Variants in ATP8B4 observed in about 807,000 individuals in gnomAD.
ATP8B4 encodes probable phospholipid-transporting ATPase IM.
Under a neutral mutation model 145.6 loss-of-function variants are expected in ATP8B4, and 133 were observed. That is an observed-to-expected ratio of 0.91 (90% CI 0.79 to 1.05). The LOEUF (loss-of-function observed/expected upper bound fraction) is 1.05, where lower values mean the gene tolerates loss of function less well. Among genes scored for constraint, ATP8B4 ranks in the 50% least tolerant of loss-of-function variants. The pLI, the probability that ATP8B4 is intolerant of heterozygous loss-of-function variation, is 0.00. For missense variants in ATP8B4, 1,458 were observed against 1,425.2 expected, an observed-to-expected ratio of 1.02 and a Z score of -0.37; for synonymous variants, 507 against 492.9, an observed-to-expected ratio of 1.03 and a Z score of -0.38.
At position 50,079,634 on chromosome 15, in the gene ATP8B4, G is replaced by C. The variant is rs540139533; in HGVS notation, c.29-5449C>G. Reference sequence around the variant, plus strand: ...TTTGATATAAAGAACATAAAATAAGGTTTTTGTAACAACCCTAAGGATATT... The same window carrying C: ...TTTGATATAAAGAACATAAAATAAGCTTTTTGTAACAACCCTAAGGATATT... On this transcript the variant is annotated intron_variant, in intron 2 of 27. Transcript: ENST00000284509. Among the ~76,000 whole-genome samples, 6 of 152,212 alleles carry C rather than the reference G, an allele frequency of 3.9e-5. No homozygotes were observed. In the East Asian group the frequency reaches 1.2e-3, roughly 29 times the overall value.
rs1567241759 is a variant in ATP8B4 at position 50,038,770 on chromosome 15, G to GTGTT, written c.359_360insAACA (p.Ser120ArgfsTer7). ...AACCCACAGAATGTATTTCTTACTT[G>GTGTT]CTGTTGATGAGCACTTCAGACTGCC... is the stretch of plus-strand genomic sequence containing the variant. On this transcript the variant is annotated frameshift_variant, in exon 6 of 28. Transcript: ENST00000284509. LOFTEE classifies it high-confidence loss of function. The GTGTT allele has an allele frequency of 1.2e-6, 2 of 1,610,206 alleles. No homozygotes were observed. Among genetic ancestry groups the GTGTT allele is most frequent in the East Asian group, 4.5e-5 (2 of 44,814 alleles).
chr15:50,105,617 A>G (rs2056637504), intron 2 of ATP8B4, among the ~76,000 whole-genome samples: 1 of 152,168 alleles, frequency 6.6e-6, no homozygotes, highest in Non-Finnish European at 1.5e-5. Context: ...ACATTAATAG[A>G]GGTCACTATA....
chr15:49,979,103 C>T (rs553964913), intron 12 of ATP8B4, among the ~76,000 whole-genome samples: 1 of 152,150 alleles, frequency 6.6e-6, no homozygotes, highest in South Asian at 2.1e-4. Context: ...CATGTATTCA[C>T]TCCTCATACA....
chr15:50,108,239 A>T (rs768350807), intron 1 of ATP8B4, among the ~76,000 whole-genome samples: 4 of 151,990 alleles, frequency 2.6e-5, no homozygotes, highest in Non-Finnish European at 5.9e-5. Context: ...GCAGTGGGTT[A>T]TCTCCAGGAC....
chr15:49,863,463 A>G (rs558212363), intron 26 of ATP8B4, among the ~76,000 whole-genome samples: 9 of 152,346 alleles, frequency 5.9e-5, no homozygotes, highest in African/African-American at 2.2e-4. Context: ...AACCCTGCTT[A>G]TATCACCAAA....
At chr15:49,933,321 T>C (rs1376826229) in intron 15 of ATP8B4, among the ~76,000 whole-genome samples, 7 of 152,054 alleles carry the variant, frequency 4.6e-5, no homozygotes, top group African/African-American at 1.7e-4. Flanking sequence ...CCAAAGACCT[T>C]GTAGGAAGAA....
intron 8 of ATP8B4, 62 bp from the exon 9 acceptor site, chr15:49,996,821 A>G: frequency 7.3e-7 from 1 of 1,361,364 alleles, no homozygotes; most frequent in Non-Finnish European, 1.0e-6. Context: ...ATCCTACCAA[A>G]GCAATCAGGT....
intron 27 of ATP8B4, among the ~76,000 whole-genome samples, chr15:49,861,470 CTAT>C: frequency 2.1e-5 from 3 of 145,484 alleles, no homozygotes; most frequent in African/African-American, 7.6e-5. Context: ...ATCTATCTAT[CTAT>C]CTACCTACCT....
At chr15:50,159,435 G>A (rs78443785) in intron 1 of ATP8B4, among the ~76,000 whole-genome samples, 10,998 of 152,126 alleles carry the variant, frequency 0.072, 534 homozygotes, top group African/African-American at 0.14. Flanking sequence ...TTATATCATC[G>A]TAAACAAGTA....
At chr15:50,159,658 G>A (rs1033536184) in intron 1 of ATP8B4, among the ~76,000 whole-genome samples, 1 of 152,104 alleles carries the variant, frequency 6.6e-6, no homozygotes, top group African/African-American at 2.4e-5. Context: ...TTATGCTGAG[G>A]TCTGTTCCTT....
At chr15:49,898,613 A>T (rs2037681926) in intron 21 of ATP8B4, among the ~76,000 whole-genome samples, 1 of 152,242 alleles carries the variant, frequency 6.6e-6, no homozygotes, top group Non-Finnish European at 1.5e-5. Context: ...CTACCAGCTC[A>T]CCAAGTTTAG....
intron 9 of ATP8B4, among the ~76,000 whole-genome samples, chr15:49,991,808 T>C (rs1432435183): frequency 6.6e-6 from 1 of 152,206 alleles, no homozygotes; most frequent in Admixed American, 6.6e-5. Flanking sequence ...AGAACATTGC[T>C]ACGTTTTAAA....
At chr15:49,978,817 T>G (rs1042745875) in intron 12 of ATP8B4, among the ~76,000 whole-genome samples, 3 of 146,104 alleles carry the variant, frequency 2.1e-5, no homozygotes, top group Non-Finnish European at 4.5e-5. Flanking sequence ...TAAAGAGGGG[T>G]GTGTGTGTGT....
At chr15:50,133,193 C>T (rs767636344) in intron 1 of ATP8B4, among the ~76,000 whole-genome samples, 2 of 152,152 alleles carry the variant, frequency 1.3e-5, no homozygotes, top group Non-Finnish European at 2.9e-5. Flanking sequence ...TTGTGACAAC[C>T]TAGATCAGCC....
rs542014266 is a variant in ATP8B4 at position 50,036,601 on chromosome 15, G to A, written c.362+2167C>T. On this transcript the variant is annotated intron_variant, in intron 6 of 27. Transcript: ENST00000284509. ...TCTACAGAAACCACCATATGCACTGGAATTGGCTAATGATGGGATTTAGCA... is the reference window on the plus strand; with the variant it reads ...TCTACAGAAACCACCATATGCACTGAAATTGGCTAATGATGGGATTTAGCA... Among the ~76,000 whole-genome samples, 22 of 152,308 alleles carry A rather than the reference G, an allele frequency of 1.4e-4. No individual in the cohort carries two copies. The South Asian group carries it at 4.6e-3, about 32-fold the overall frequency.
chr15:50,144,230 T>A (rs79583322), intron 1 of ATP8B4, among the ~76,000 whole-genome samples: 6 of 152,120 alleles, frequency 3.9e-5, no homozygotes, highest in African/African-American at 1.4e-4. Flanking sequence ...GCCTAAAGTA[T>A]GATGATGGTG....
intron 20 of ATP8B4, among the ~76,000 whole-genome samples, chr15:49,910,465 G>A (rs192733540): frequency 4.6e-5 from 7 of 152,288 alleles, no homozygotes; most frequent in Admixed American, 3.9e-4. Context: ...ACTCTAGCAA[G>A]AGATTTAGAC....
chr15:50,024,641 G>A (rs1013260572), intron 6 of ATP8B4, among the ~76,000 whole-genome samples: 1 of 152,212 alleles, frequency 6.6e-6, no homozygotes, highest in South Asian at 2.1e-4. Context: ...ACCCCAGCAA[G>A]TCTATTTCTG....
chr15:50,106,921 G>T lies in ATP8B4; in HGVS notation c.28+18C>A. The T allele has an allele frequency of 1.9e-6, 3 of 1,585,460 alleles. No individual in the cohort carries two copies. The highest frequency in any genetic ancestry group is 2.6e-6 in the Non-Finnish European group (3 of 1,169,424). On this transcript the variant is annotated intron_variant, in intron 2 of 27. Coordinates refer to ENST00000284509, the MANE Select transcript of ATP8B4 (RefSeq NM_024837.4). ...TTTAAAATATCACTTTGCATCATTG[G>T]AAGAACTCAAAACTTACCACGCAAT...
Sources: allele counts gnomAD v4.1 joint callset (sites outside exome capture counted in the v4.1 genomes callset), GRCh38; gene constraint gnomAD v4.1.1; transcripts MANE v1.5; gene names NCBI Gene and HGNC (gene_info 2026-07-23, HGNC 2026-07-21).